DNAH3: variants seen among roughly 807,000 people sequenced by gnomAD.
The protein encoded by DNAH3 is axonemal beta dynein heavy chain 3.
Under a neutral mutation model 432.5 loss-of-function variants are expected in DNAH3, and 332 were observed. The observed-to-expected ratio is 0.77, with a 90% CI of 0.70 to 0.84. The LOEUF (loss-of-function observed/expected upper bound fraction) is 0.84, where lower values mean the gene tolerates loss of function less well. Among genes scored for constraint, DNAH3 ranks in the 40% least tolerant of loss-of-function variants. DNAH3 has a pLI of 0.00. For missense variants in DNAH3, 4,861 were observed against 5,114.0 expected, an observed-to-expected ratio of 0.95 and a Z score of 1.51; for synonymous variants, 1,956 against 1,900.2, an observed-to-expected ratio of 1.03 and a Z score of -0.76.
intron 1 of DNAH3, among the ~76,000 whole-genome samples, chr16:21,156,996 A>AACACACAC (rs34199213): frequency 0.25 from 36,331 of 147,322 alleles, 4,537 homozygotes; most frequent in Admixed American, 0.28. Context: ...AATCTAAGGA[A>AACACACAC]ACACACACAC....
At chr16:21,093,824 T>A (rs544282865) in intron 18 of DNAH3, among the ~76,000 whole-genome samples, 1 of 146,690 alleles carries the variant, frequency 6.8e-6, no homozygotes, top group African/African-American at 2.7e-5. Context: ...GGATAAAAAT[T>A]TTTTTTTCCC....
At chr16:20,956,185 C>T (rs1305343747) in intron 54 of DNAH3, among the ~76,000 whole-genome samples, 1 of 152,162 alleles carries the variant, frequency 6.6e-6, no homozygotes, top group Non-Finnish European at 1.5e-5. Context: ...ACCTCGGCCC[C>T]CCAAAGTGCT....
chr16:21,140,732 G>A lies in DNAH3; in HGVS notation c.522-22C>T, dbSNP rs2092707886. 8.7e-6 allele frequency: 14 copies of A among 1,611,764 alleles called. No individual in the cohort carries two copies. The South Asian group carries it at 1.3e-4, about 15-fold the overall frequency. ...GATCCTGAAAAGTAGACACAGCTCA[G>A]CCCTTGGTGTTTGGTTCTCCAGAGA... is the stretch of plus-strand genomic sequence containing the variant. On this transcript the variant is annotated intron_variant, in intron 4 of 61. Transcript: ENST00000261383.
intron 59 of DNAH3, among the ~76,000 whole-genome samples, chr16:20,940,986 G>A (rs551961328): frequency 6.6e-6 from 1 of 152,256 alleles, no homozygotes; most frequent in East Asian, 1.9e-4. Flanking sequence ...TGTAGACTCA[G>A]CTACTCAGGA....
At chr16:21,019,676 G>A (rs772354582) in exon 41 of DNAH3, 145 of 1,613,952 alleles carry the variant, frequency 9.0e-5, no homozygotes, top group Middle Eastern at 1.6e-4. Context: ...TGGGCCTTGG[G>A]TGGTTATCAT....
intron 19 of DNAH3, among the ~76,000 whole-genome samples, chr16:21,085,303 G>A (rs922122770): frequency 6.6e-6 from 1 of 151,996 alleles, no homozygotes; most frequent in African/African-American, 2.4e-5. Context: ...CAGAACTTTG[G>A]GAGGTTGAGG....
At chr16:21,087,716 G>A (rs1289886619) in intron 18 of DNAH3, among the ~76,000 whole-genome samples, 1 of 152,020 alleles carries the variant, frequency 6.6e-6, no homozygotes, top group Admixed American at 6.6e-5. Context: ...TGTGCAACAT[G>A]GTTAAACCTC....
At chr16:21,103,720 A>G (rs1490950212) in intron 16 of DNAH3, among the ~76,000 whole-genome samples, 1 of 152,142 alleles carries the variant, frequency 6.6e-6, no homozygotes, top group African/African-American at 2.4e-5. Flanking sequence ...TGCAGGAACT[A>G]TGGCAGCTCA....
chr16:20,967,711 T>C (rs532219121), intron 52 of DNAH3, among the ~76,000 whole-genome samples: 1 of 151,946 alleles, frequency 6.6e-6, no homozygotes, highest in Admixed American at 6.6e-5. Flanking sequence ...TTTCACCATG[T>C]TGGCCAGGCT....
chr16:21,099,430 T>C (rs2091780643), intron 16 of DNAH3, among the ~76,000 whole-genome samples: 1 of 152,208 alleles, frequency 6.6e-6, no homozygotes, highest in Non-Finnish European at 1.5e-5. Flanking sequence ...AGGGCTACTG[T>C]AGCTACAGTG....
rs145402033 is a variant in DNAH3, at chr16:20,969,426, T to TTC, written c.8458+364_8458+365dup. 5.3e-4 allele frequency among the ~76,000 whole-genome samples: 80 copies of TTC among 150,056 alleles called. No individual in the cohort carries two copies. In the East Asian group the frequency reaches 5.4e-3, roughly 10 times the overall value. ...GCTTTCCCTAACTCTCTTTCTCTGCTTCTCTCTCTCTCTCTCTCTGTAGCT... is the reference window on the plus strand; with the variant it reads ...GCTTTCCCTAACTCTCTTTCTCTGCTTCTCTCTCTCTCTCTCTCTCTGTAGCT... On this transcript the variant is annotated intron_variant, in intron 52 of 61. Coordinates refer to ENST00000261383, the Ensembl canonical transcript of DNAH3.
chr16:21,073,475 C>T (rs1471530436), intron 21 of DNAH3, among the ~76,000 whole-genome samples: 1 of 152,122 alleles, frequency 6.6e-6, no homozygotes, highest in Admixed American at 6.6e-5. Context: ...AGTAATGAGG[C>T]CCTGTGCCCT....
At chr16:21,154,450 C>T (rs1019753773) in intron 1 of DNAH3, among the ~76,000 whole-genome samples, 1 of 152,040 alleles carries the variant, frequency 6.6e-6, no homozygotes, top group Admixed American at 6.6e-5. Context: ...CTAATGGACC[C>T]TATGGCCTGT....
At chr16:20,996,628 TTTTTA>T (rs1356120173) in intron 44 of DNAH3, among the ~76,000 whole-genome samples, 1 of 152,130 alleles carries the variant, frequency 6.6e-6, no homozygotes, top group Non-Finnish European at 1.5e-5. Context: ...CCAGCTAATT[TTTTTA>T]TTTTTAGTAG....
rs553557178 is a variant in DNAH3 at position 21,047,660 on chromosome 16, CCTT to C, written c.4461+1906_4461+1908del. Among the ~76,000 whole-genome samples, 118 of 152,164 alleles carry C rather than the reference CCTT, an allele frequency of 7.8e-4. 2 individuals carry two copies. In the South Asian group the frequency reaches 0.023, roughly 30 times the overall value. On this transcript the variant is annotated intron_variant, in intron 31 of 61. Coordinates refer to ENST00000261383, the Ensembl canonical transcript of DNAH3. Reference sequence around the variant, plus strand: ...CTCAGAGTAATTTGATCGTCTGAAGCCTTCTTCTCTCAGCTCGTCAAAGCCATT... The same window carrying C: ...CTCAGAGTAATTTGATCGTCTGAAGCCTTCTCTCAGCTCGTCAAAGCCATT...
chr16:21,053,488 C>T (rs1216975783), intron 28 of DNAH3, among the ~76,000 whole-genome samples: 1 of 152,158 alleles, frequency 6.6e-6, no homozygotes, highest in Admixed American at 6.5e-5. Flanking sequence ...TACATGTGTG[C>T]ATACATGCAT....
intron 57 of DNAH3, among the ~76,000 whole-genome samples, chr16:20,944,962 T>A (rs2083980556): frequency 6.6e-6 from 1 of 152,156 alleles, no homozygotes. Context: ...GGATCCTAGC[T>A]CCATCCCAAA....
intron 24 of DNAH3, among the ~76,000 whole-genome samples, chr16:21,066,260 A>G (rs2090545105): frequency 6.6e-6 from 1 of 152,160 alleles, no homozygotes; most frequent in Non-Finnish European, 1.5e-5. Flanking sequence ...AGGATCAAAC[A>G]TCCTAAGTGG....
chr16:21,038,490 T>C (rs560158026), intron 33 of DNAH3, among the ~76,000 whole-genome samples: 2 of 152,164 alleles, frequency 1.3e-5, no homozygotes, highest in Non-Finnish European at 2.9e-5. Context: ...TACACTCCAC[T>C]TTGGATTTTC....
Sources: allele counts gnomAD v4.1 joint callset (sites outside exome capture counted in the v4.1 genomes callset), GRCh38; gene constraint gnomAD v4.1.1; transcripts MANE v1.5; gene names NCBI Gene and HGNC (gene_info 2026-07-23, HGNC 2026-07-21).